The following NAALADL2 variants were observed in gnomAD, a reference collection of about 807,000 sequenced individuals.
The protein encoded by NAALADL2 is inactive N-acetylated-alpha-linked acidic dipeptidase-like protein 2.
A neutral mutation model predicts 87.2 loss-of-function variants in NAALADL2; 76 were observed. That is an observed-to-expected ratio of 0.87 (90% CI 0.72 to 1.05). The LOEUF (loss-of-function observed/expected upper bound fraction) is 1.05, where lower values mean the gene tolerates loss of function less well. Ranked by LOEUF, NAALADL2 falls within the 50% of genes least tolerant of loss-of-function variation. The pLI, the probability that NAALADL2 is intolerant of heterozygous loss-of-function variation, is 0.00. For synonymous variants in NAALADL2, 354 were observed against 331.0 expected, an observed-to-expected ratio of 1.07 and a Z score of -0.75; for missense variants, 1,089 against 945.8, an observed-to-expected ratio of 1.15 and a Z score of -1.99.
At chr3:175,703,514 G>A (rs951303115) in intron 11 of NAALADL2, among the ~76,000 whole-genome samples, 9 of 152,050 alleles carry the variant, frequency 5.9e-5, no homozygotes, top group Admixed American at 1.3e-4. Context: ...AGGCCGAGGC[G>A]GGCGGATCAC....
At chr3:175,313,787 G>C (rs1011907520) in intron 4 of NAALADL2, among the ~76,000 whole-genome samples, 1 of 152,044 alleles carries the variant, frequency 6.6e-6, no homozygotes, top group Non-Finnish European at 1.5e-5. Flanking sequence ...AAAGTGGTCC[G>C]GGCATGGTGG....
At chr3:175,424,815 A>G (rs947510529) in intron 5 of NAALADL2, among the ~76,000 whole-genome samples, 3 of 152,088 alleles carry the variant, frequency 2.0e-5, no homozygotes, top group Non-Finnish European at 4.4e-5. Context: ...AGAAAGGCCA[A>G]GCACTGCCAC....
intron 2 of NAALADL2, among the ~76,000 whole-genome samples, chr3:174,707,713 G>A (rs1365215370): frequency 6.6e-6 from 1 of 151,828 alleles, no homozygotes; most frequent in Non-Finnish European, 1.5e-5. Context: ...GTTACTGGGT[G>A]CAGCACACCA....
chr3:175,546,335 C>T lies in NAALADL2; in HGVS notation c.1654-29706C>T, dbSNP rs563401532. Among the ~76,000 whole-genome samples, 14 of 152,146 alleles carry T rather than the reference C, an allele frequency of 9.2e-5. No homozygotes were observed. In the South Asian group the frequency reaches 1.7e-3, roughly 18 times the overall value. ...GACACCATACCAATGGTTCTTGGTTCGTTATCCAGCATGCCACTCTGTGTC... is the reference window on the plus strand; with the variant it reads ...GACACCATACCAATGGTTCTTGGTTTGTTATCCAGCATGCCACTCTGTGTC... On this transcript the variant is annotated intron_variant, in intron 9 of 13. Coordinates refer to ENST00000454872, the MANE Select transcript of NAALADL2 (RefSeq NM_207015.3).
intron 4 of NAALADL2, among the ~76,000 whole-genome samples, chr3:175,306,655 A>G (rs1324340135): frequency 1.3e-5 from 2 of 152,096 alleles, no homozygotes; most frequent in African/African-American, 2.4e-5. Context: ...GTGAAACCCC[A>G]TCTTTGCTTA....
chr3:174,869,338 T>A (rs1727520095), intron 1 of NAALADL2, among the ~76,000 whole-genome samples: 1 of 152,146 alleles, frequency 6.6e-6, no homozygotes, highest in Admixed American at 6.5e-5. Flanking sequence ...ACCAAAACAG[T>A]TCTAGGAGAT....
chr3:174,504,216 C>T (rs1378966616), intron 1 of NAALADL2, among the ~76,000 whole-genome samples: 1 of 152,072 alleles, frequency 6.6e-6, no homozygotes, highest in Non-Finnish European at 1.5e-5. Context: ...GTGAAGGCAT[C>T]ATAATATTCT....
chr3:174,930,303 T>A (rs1408549463), intron 1 of NAALADL2, among the ~76,000 whole-genome samples: 1 of 152,096 alleles, frequency 6.6e-6, no homozygotes, highest in East Asian at 1.9e-4. Flanking sequence ...TTTAAAAAAA[T>A]GTTTTTATTT....
intron 2 of NAALADL2, among the ~76,000 whole-genome samples, chr3:175,196,071 T>G (rs1053788807): frequency 2.6e-5 from 4 of 151,926 alleles, no homozygotes; most frequent in Admixed American, 2.6e-4. Context: ...AGATTGTCCC[T>G]TACTGGCAAG....
chr3:174,799,814 CA>C (rs746171427), intron 3 of NAALADL2, among the ~76,000 whole-genome samples: 18 of 152,180 alleles, frequency 1.2e-4, no homozygotes, highest in Middle Eastern at 3.4e-3. Context: ...TGGCTTTGAC[CA>C]AAAGCCTGAT....
At chr3:175,169,355 A>G (rs954376507) in intron 2 of NAALADL2, among the ~76,000 whole-genome samples, 5 of 151,446 alleles carry the variant, frequency 3.3e-5, no homozygotes, top group African/African-American at 1.2e-4. Context: ...TCGTTCTGCT[A>G]CTTACTAGCT....
intron 1 of NAALADL2, among the ~76,000 whole-genome samples, chr3:174,493,136 G>A (rs113306228): frequency 0.012 from 1,807 of 152,222 alleles, 35 homozygotes; most frequent in African/African-American, 0.041. Flanking sequence ...GTGAGGATAG[G>A]TGTTATGGGC....
intron 2 of NAALADL2, among the ~76,000 whole-genome samples, chr3:174,584,018 TA>T (rs1230489152): frequency 6.6e-6 from 1 of 152,180 alleles, no homozygotes; most frequent in Non-Finnish European, 1.5e-5. Context: ...TATCATTATC[TA>T]AAAAGGGCAT....
At chr3:175,462,342 T>TAAGGCACTC (rs759043511) in intron 6 of NAALADL2, among the ~76,000 whole-genome samples, 67 of 152,304 alleles carry the variant, frequency 4.4e-4, no homozygotes, top group Admixed American at 8.5e-4. Flanking sequence ...CATAGATAGA[T>TAAGGCACTC]AAGGCACTCA....
chr3:175,329,715 T>A (rs1347454227), intron 5 of NAALADL2, among the ~76,000 whole-genome samples: 1 of 152,342 alleles, frequency 6.6e-6, no homozygotes, highest in East Asian at 1.9e-4. Context: ...CAGATTTACA[T>A]GTCATATTAT....
At chr3:174,691,209 C>T (rs188372239) in intron 2 of NAALADL2, among the ~76,000 whole-genome samples, 3 of 152,106 alleles carry the variant, frequency 2.0e-5, no homozygotes, top group African/African-American at 4.8e-5. Flanking sequence ...GTCAGGAGTT[C>T]GAGACCAGCC....
rs76922171 is a variant in NAALADL2, at chr3:175,220,829, A to T, written c.546-13102A>T. Among the ~76,000 whole-genome samples the T allele has an allele frequency of 4.8e-3, 736 of 152,288 alleles. 7 individuals carry two copies. Among genetic ancestry groups the T allele is most frequent in the African/African-American group, 0.017 (715 of 41,564 alleles). Reference sequence around the variant, plus strand: ...TTAAAAAATACATTTGCTTAAGGCAATACATTTCTCTAAGCACTGCTTTAG... The same window carrying T: ...TTAAAAAATACATTTGCTTAAGGCATTACATTTCTCTAAGCACTGCTTTAG... On this transcript the variant is annotated intron_variant, in intron 2 of 13. Transcript: ENST00000454872.
intron 2 of NAALADL2, among the ~76,000 whole-genome samples, chr3:174,687,652 C>T (rs1273861595): frequency 1.3e-5 from 2 of 152,142 alleles, no homozygotes; most frequent in African/African-American, 4.8e-5. Context: ...GTGTTTATTA[C>T]CTTTGTTTCT....
chr3:174,713,531 G>A (rs1412881292), intron 2 of NAALADL2, among the ~76,000 whole-genome samples: 1 of 152,196 alleles, frequency 6.6e-6, no homozygotes, highest in Admixed American at 6.5e-5. Context: ...TTGTGGTTTT[G>A]ATTTGCATTT....
Sources: gnomAD v4.1 joint callset for allele counts (sites outside exome capture counted in the v4.1 genomes callset) on GRCh38, gnomAD v4.1.1 for gene constraint, MANE v1.5 for transcripts, NCBI Gene and HGNC (gene_info 2026-07-23, HGNC 2026-07-21) for gene names.